SRRT: variants seen among roughly 807,000 people sequenced by gnomAD.
The protein encoded by SRRT is serrate RNA effector molecule homolog.
A neutral mutation model predicts 103.2 loss-of-function variants in SRRT; 32 were observed. The ratio of observed to expected loss-of-function variants is 0.31; its 90% confidence interval spans 0.23 to 0.42. SRRT has a LOEUF of 0.42. Ranked by LOEUF, SRRT falls within the 10% of genes least tolerant of loss-of-function variation. The pLI is 1.00. For missense variants in SRRT, 986 were observed against 1,207.5 expected (o/e 0.82, Z 2.72); for synonymous variants, 525 against 449.0 (o/e 1.17, Z -2.14).
chr7:100,878,643 A>G (rs1012855088), intron 2 of SRRT, among the ~76,000 whole-genome samples: 1 of 152,118 alleles, frequency 6.6e-6, no homozygotes, highest in South Asian at 2.1e-4. Flanking sequence ...CAAAATGAAT[A>G]TCTACAGTTA....
chr7:100,881,925 G>A (rs1789616141), intron 4 of SRRT, 120 bp downstream of exon 4: 1 of 1,477,566 alleles, frequency 6.8e-7, no homozygotes, highest in East Asian at 2.3e-5. Flanking sequence ...CTGGGGTAGG[G>A]GTGGTAGCTG....
intron 3 of SRRT, 64 bp downstream of exon 3, chr7:100,881,477 C>T (rs1361938390): frequency 6.3e-6 from 10 of 1,589,274 alleles, no homozygotes; most frequent in Middle Eastern, 1.7e-4. Context: ...TCCCCTTTCT[C>T]CCCTCACCTG....
chr7:100,878,653 A>T (rs139804426), intron 2 of SRRT, among the ~76,000 whole-genome samples: 97 of 152,154 alleles, frequency 6.4e-4, no homozygotes, highest in African/African-American at 2.2e-3. Flanking sequence ...ATCTACAGTT[A>T]ATCTGAAAAG....
At position 100,884,069 on chromosome 7, in the gene SRRT, G is replaced by T; in HGVS notation, c.588-1G>T. The T allele has an allele frequency of 6.4e-7, 1 of 1,573,086 alleles. No individual in the cohort carries two copies. Reference sequence around the variant, plus strand: ...CTTTCCCTCCCCCGCTTCGTTCCCAGGTTTCGGTCTAAGTACCACCCAGAT... The same window carrying T: ...CTTTCCCTCCCCCGCTTCGTTCCCATGTTTCGGTCTAAGTACCACCCAGAT... On this transcript the variant is annotated splice_acceptor_variant, in intron 5 of 19. Coordinates refer to ENST00000611405, the MANE Select transcript of SRRT (RefSeq NM_015908.6). LOFTEE classifies it high-confidence loss of function.
Position 100,886,783 on chromosome 7 carries a change from TCCTC to T in SRRT, c.1648-9_1648-6del, listed in dbSNP as rs1563023804. 3.7e-6 allele frequency: 6 copies of T among 1,613,942 alleles called. No homozygotes were observed. In the South Asian group the frequency reaches 6.6e-5, roughly 18 times the overall value. ...TCTTCTCTGCCTTACTTGCTTCTCT[TCCTC>T]CCATCAGAGCCTGCCCTCGCAAAAC... On this transcript the variant is annotated splice_polypyrimidine_tract_variant and splice_region_variant and intron_variant, in intron 13 of 19. Coordinates refer to ENST00000611405, the MANE Select transcript of SRRT (RefSeq NM_015908.6).
rs1790415924 is a variant in SRRT at position 100,888,529 on chromosome 7, G to A, written c.2611G>A (p.Asp871Asn). 1 of 1,614,086 alleles carries A rather than the reference G, an allele frequency of 6.2e-7. No homozygotes were observed. The highest frequency in any genetic ancestry group is 8.5e-7 in the Non-Finnish European group (1 of 1,180,050). Residue 871 changes from aspartate to asparagine, a missense_variant, in exon 20 of 20, where the codon GAC (aspartate) becomes AAC (asparagine). Transcript: ENST00000611405. ...IVEYRDLDAP[D>N]DVDFF ...GGAATATCGGGACCTGGATGCCCCAGACGATGTTGATTTCTTTTGAGCCGT... is the reference window on the plus strand; with the variant it reads ...GGAATATCGGGACCTGGATGCCCCAAACGATGTTGATTTCTTTTGAGCCGT...
intron 2 of SRRT, among the ~76,000 whole-genome samples, chr7:100,881,058 T>C (rs747123303): frequency 6.6e-6 from 1 of 151,092 alleles, no homozygotes; most frequent in African/African-American, 2.4e-5. Flanking sequence ...TGTTTAGGAA[T>C]GTGGCTGTGG....
intron 1 of SRRT, 34 bp downstream of exon 1, chr7:100,875,362 G>A (rs1815566622): frequency 2.3e-6 from 3 of 1,299,174 alleles, no homozygotes; most frequent in Non-Finnish European, 3.0e-6. Context: ...GGGCCCCGCT[G>A]GGGCGGGAGA....
At position 100,884,433 on chromosome 7, in the gene SRRT, G is replaced by C; in HGVS notation, c.823G>C (p.Glu275Gln). 3.1e-6 allele frequency: 5 copies of C among 1,613,472 alleles called. No individual in the cohort carries two copies. The highest frequency in any genetic ancestry group is 4.2e-6 in the Non-Finnish European group (5 of 1,179,620). The change falls in exon 7 of 20, where the codon GAG becomes CAG. Residue 275 changes from glutamate to glutamine, a missense_variant. Coordinates refer to ENST00000611405, the MANE Select transcript of SRRT (RefSeq NM_015908.6). Reference sequence around the variant, plus strand: ...CATCCTGGAGCAGGAGGAGGAGGAGGAGCAGGCAGGAAAGCCTGGGGAGCC... The same window carrying C: ...CATCCTGGAGCAGGAGGAGGAGGAGCAGCAGGCAGGAAAGCCTGGGGAGCC... ...LRILEQEEEE[E>Q]QAGKPGEPSK...
chr7:100,888,459 C>T lies in SRRT; in HGVS notation c.2556-15C>T, dbSNP rs939564477. The T allele has an allele frequency of 6.2e-7, 1 of 1,613,924 alleles. No homozygotes were observed. The highest frequency in any genetic ancestry group is 8.5e-7 in the Non-Finnish European group (1 of 1,179,856). On this transcript the variant is annotated splice_polypyrimidine_tract_variant and intron_variant, in intron 19 of 19. Coordinates refer to ENST00000611405, the MANE Select transcript of SRRT (RefSeq NM_015908.6). ...GGGAGCCCTCAGCTCTCATCCTGTA[C>T]CTCTCACCTCACAGGATGGTTCGTG... is the stretch of plus-strand genomic sequence containing the variant.
In SRRT at chr7:100,885,045, G is replaced by T; in HGVS notation, c.1159+5G>T. The T allele has an allele frequency of 6.2e-7, 1 of 1,613,812 alleles. No homozygotes were observed. The highest frequency in any genetic ancestry group is 1.1e-5 in the South Asian group (1 of 91,078). ...AGGAGGAGAAGGAGGAGGCCGGTAG[G>T]GTTTCTTTTCTGCTTTAAAGTGCGT... On this transcript the variant is annotated splice_donor_5th_base_variant and intron_variant, in intron 9 of 19. Coordinates refer to ENST00000611405, the MANE Select transcript of SRRT (RefSeq NM_015908.6). This position sits in a 1 kb window ranked among gnomAD's most constrained non-coding sequence, Gnocchi z 4.8.
rs781612570 is a variant in SRRT, at chr7:100,881,341, G to A, written c.179G>A (p.Arg60Gln). ...CGGGGTGAATATCGGGACTATGACC[G>A]GAATCGGCGAGAGCGCTTCTCGCCA... is the stretch of plus-strand genomic sequence containing the variant. ...RSRGEYRDYD[R>Q]NRRERFSPPR... Residue 60 changes from arginine to glutamine, a missense_variant, in exon 3 of 20, where the codon CGG (arginine) becomes CAG (glutamine). By Grantham distance (43) the Arg-to-Gln change is conservative. This residue lies in a region of SRRT where 274 missense variants were observed against 358.5 expected (regional missense o/e 0.76). Transcript: ENST00000611405. The A allele has an allele frequency of 2.7e-5, 44 of 1,613,558 alleles. 1 individual carries two copies. The highest frequency in any genetic ancestry group is 3.4e-5 in the Non-Finnish European group (40 of 1,179,848).
At chr7:100,881,954 T>C in intron 4 of SRRT, 99 bp from the exon 5 acceptor site, 2 of 1,489,888 alleles carry the variant, frequency 1.3e-6, no homozygotes, top group Non-Finnish European at 1.8e-6. Flanking sequence ...TGGGGTGATG[T>C]CCATGGTGGA....
rs1789639065 is a variant in SRRT at position 100,882,200 on chromosome 7, A to G, written c.546A>G (p.Gln182=). 2 of 1,614,170 alleles carry G rather than the reference A, an allele frequency of 1.2e-6. No individual in the cohort carries two copies. Among genetic ancestry groups the G allele is most frequent in the Non-Finnish European group, 8.5e-7 (1 of 1,180,014 alleles). Residue 182 remains glutamine (Q), a synonymous_variant, in exon 5 of 20, where the codon CAA becomes CAG. Coordinates refer to ENST00000611405, the MANE Select transcript of SRRT (RefSeq NM_015908.6). The surrounding 1 kb of genome is among the most constrained non-coding windows in gnomAD (Gnocchi z 4.2). ...YNDYKLDFRR[Q]QMQDFFLAHK... is the part of the protein sequence containing the mutation. The stretch of plus-strand genomic sequence containing the variant: ...ACTACAAGCTGGATTTCCGGAGGCA[A>G]CAGATGCAGGATTTCTTCCTGGCGC...
Position 100,888,525 on chromosome 7 carries a change from C to T in SRRT, c.2607C>T (p.Ala869=). Residue 869 remains alanine, a synonymous_variant, in exon 20 of 20, where the codon GCC becomes GCT. Transcript: ENST00000611405. ...RAIVEYRDLD[A]PDDVDFF is the part of the protein sequence containing the mutation. The stretch of plus-strand genomic sequence containing the variant: ...TTGTGGAATATCGGGACCTGGATGC[C>T]CCAGACGATGTTGATTTCTTTTGAG... The T allele has an allele frequency of 6.2e-7, 1 of 1,614,156 alleles. No individual in the cohort carries two copies. Among genetic ancestry groups the T allele is most frequent in the Non-Finnish European group, 8.5e-7 (1 of 1,180,040 alleles).
chr7:100,883,184 GCT>G (rs1161808211), intron 5 of SRRT: 1 of 152,524 alleles, frequency 6.6e-6, no homozygotes, highest in Non-Finnish European at 1.5e-5. Context: ...CTCTCGAATT[GCT>G]CTGTGTCTTT....
chr7:100,879,613 G>T (rs773645573), intron 2 of SRRT, among the ~76,000 whole-genome samples: 1 of 152,124 alleles, frequency 6.6e-6, no homozygotes, highest in East Asian at 1.9e-4. Flanking sequence ...GGAACATTTC[G>T]TTTTAATTTT....
At chr7:100,877,800 C>T (rs1815891191) in intron 2 of SRRT, among the ~76,000 whole-genome samples, 1 of 152,004 alleles carries the variant, frequency 6.6e-6, no homozygotes, top group Admixed American at 6.6e-5. Flanking sequence ...GATTACAGGC[C>T]CGCGTTAGTT....
rs1351999620 is a variant in SRRT at position 100,882,223 on chromosome 7, C to T, written c.569C>T (p.Ala190Val). 1.2e-6 allele frequency: 2 copies of T among 1,613,984 alleles called. No individual in the cohort carries two copies. The highest frequency in any genetic ancestry group is 1.1e-5 in the South Asian group (1 of 91,074). Residue 190 changes from alanine (A) to valine (V), a missense_variant, in exon 5 of 20, where the codon GCG (alanine) becomes GTG (valine). Transcript: ENST00000611405. This position sits in a 1 kb window ranked among gnomAD's most constrained non-coding sequence, Gnocchi z 4.2. Reference protein sequence around the residue: ...RRQQMQDFFLAHKDEEWFRSK... With the variant: ...RRQQMQDFFLVHKDEEWFRSK... ...CAACAGATGCAGGATTTCTTCCTGG[C>T]GCACAAAGATGAGGAGTGGTGAGTG...
Sources: allele counts gnomAD v4.1 joint callset (sites outside exome capture counted in the v4.1 genomes callset), GRCh38; gene constraint gnomAD v4.1.1; regional missense constraint gnomAD v4.1.1; non-coding constraint Gnocchi (gnomAD v3.1); transcripts MANE v1.5; gene names NCBI Gene and HGNC (gene_info 2026-07-23, HGNC 2026-07-21).